AOPEP: variants seen among roughly 807,000 people sequenced by gnomAD.
AOPEP encodes the protein aminopeptidase O.
In AOPEP, 77 loss-of-function variants were observed where a neutral mutation model predicts 98.1. The ratio of observed to expected loss-of-function variants is 0.78; its 90% confidence interval spans 0.65 to 0.95. AOPEP has a LOEUF of 0.95. Ranked by LOEUF, AOPEP falls within the 40% of genes least tolerant of loss-of-function variation. The probability of loss-of-function intolerance (pLI) is 0.00; values close to 1 mark genes in which losing one functional copy is unlikely to be tolerated. For synonymous variants in AOPEP, 346 were observed against 365.3 expected (o/e 0.95, Z 0.60); for missense variants, 1,024 against 1,024.7 (o/e 1.00, Z 0.01).
intron 2 of AOPEP, among the ~76,000 whole-genome samples, chr9:94,769,568 T>C (rs1181640493): frequency 6.6e-6 from 1 of 152,232 alleles, no homozygotes; most frequent in African/African-American, 2.4e-5. Flanking sequence ...CTATCAGACA[T>C]GGGTATATTA....
intron 14 of AOPEP, 56 bp from the exon 15 acceptor site, chr9:95,080,638 G>A: frequency 7.5e-7 from 1 of 1,335,628 alleles, no homozygotes; most frequent in Non-Finnish European, 1.1e-6. Flanking sequence ...ACTGGGCCCG[G>A]TGGGCTGGGA....
At chr9:95,066,211 C>G (rs760289478) in intron 14 of AOPEP, among the ~76,000 whole-genome samples, 1 of 152,104 alleles carries the variant, frequency 6.6e-6, no homozygotes, top group South Asian at 2.1e-4. Context: ...GACGGTCTGT[C>G]TCTCAGTACA....
At chr9:95,094,257 G>T in the AOPEP span, among the ~76,000 whole-genome samples, 1 of 152,162 alleles carries the variant, frequency 6.6e-6, no homozygotes, top group African/African-American at 2.4e-5. Flanking sequence ...GGAGGGAGTG[G>T]GGTCAGGAGA....
At chr9:94,748,837 G>A (rs1835082781) in intron 1 of AOPEP, among the ~76,000 whole-genome samples, 2 of 152,134 alleles carry the variant, frequency 1.3e-5, no homozygotes, top group South Asian at 2.1e-4. Context: ...CAGAGGTAAG[G>A]TACCCTTCTC....
chr9:95,116,738 C>T, the AOPEP span, among the ~76,000 whole-genome samples: 2 of 152,160 alleles, frequency 1.3e-5, no homozygotes, highest in Non-Finnish European at 2.9e-5. Flanking sequence ...CAACACCAGT[C>T]GAATGAAGGC....
At chr9:94,739,228 A>G (rs1488897006) in intron 1 of AOPEP, among the ~76,000 whole-genome samples, 1 of 151,326 alleles carries the variant, frequency 6.6e-6, no homozygotes, top group Non-Finnish European at 1.5e-5. Context: ...TTAGCTCCCA[A>G]CTTTCCTTGT....
chr9:94,835,899 G>C lies in AOPEP; in HGVS notation c.1364+34897G>C, dbSNP rs531772019. 1.4e-3 allele frequency among the ~76,000 whole-genome samples: 212 copies of C among 152,236 alleles called. 1 individual carries two copies. Among genetic ancestry groups the C allele is most frequent in the Admixed American group, 4.5e-3 (69 of 15,288 alleles). Reference sequence around the variant, plus strand: ...AGTGGGTTTTCTAGATTCTTCTACCGCTCTTTGTTTTTGTCTTTGTTCTAT... The same window carrying C: ...AGTGGGTTTTCTAGATTCTTCTACCCCTCTTTGTTTTTGTCTTTGTTCTAT... On this transcript the variant is annotated intron_variant, in intron 5 of 16. Transcript: ENST00000375315.
intron 5 of AOPEP, among the ~76,000 whole-genome samples, chr9:94,916,057 C>T (rs2052749992): frequency 6.6e-6 from 1 of 152,250 alleles, no homozygotes; most frequent in Non-Finnish European, 1.5e-5. Context: ...CTTGTGCTCG[C>T]TGTGAAAACC....
chr9:94,943,917 C>A, intron 7 of AOPEP, among the ~76,000 whole-genome samples: 1 of 70,664 alleles, frequency 1.4e-5, no homozygotes, highest in Non-Finnish European at 2.4e-5. Flanking sequence ...GAGACTCCAT[C>A]TCAAAAAAAA....
chr9:94,764,336 CATG>C (rs1347216458), intron 2 of AOPEP, among the ~76,000 whole-genome samples: 2 of 152,132 alleles, frequency 1.3e-5, no homozygotes, highest in Non-Finnish European at 2.9e-5. Flanking sequence ...CCTGAGGAGA[CATG>C]ATGATTAAAA....
At chr9:94,864,784 G>A (rs2045519333) in intron 5 of AOPEP, among the ~76,000 whole-genome samples, 1 of 152,130 alleles carries the variant, frequency 6.6e-6, no homozygotes, top group South Asian at 2.1e-4. Context: ...ATACACAACA[G>A]TATAATTCAG....
intron 5 of AOPEP, among the ~76,000 whole-genome samples, chr9:94,905,177 C>T (rs186648844): frequency 6.6e-6 from 1 of 152,184 alleles, no homozygotes; most frequent in East Asian, 1.9e-4. Flanking sequence ...TAAAATAAAC[C>T]AAGAAAATAA....
chr9:94,902,389 G>A (rs1367461423), intron 5 of AOPEP, among the ~76,000 whole-genome samples: 2 of 152,142 alleles, frequency 1.3e-5, no homozygotes, highest in Admixed American at 6.6e-5. Flanking sequence ...AGTTTACTGC[G>A]GGGGTGAGAC....
chr9:94,755,932 G>A (rs1306244967), intron 1 of AOPEP, among the ~76,000 whole-genome samples: 4 of 152,198 alleles, frequency 2.6e-5, no homozygotes, highest in Non-Finnish European at 4.4e-5. Context: ...ATGACTTAAA[G>A]TAGGCCAAAT....
intron 5 of AOPEP, among the ~76,000 whole-genome samples, chr9:94,814,514 G>A (rs972620835): frequency 3.9e-5 from 6 of 152,166 alleles, no homozygotes; most frequent in Non-Finnish European, 7.3e-5. Context: ...CTGCATACAA[G>A]GATGTCATCC....
intron 5 of AOPEP, among the ~76,000 whole-genome samples, chr9:94,841,722 G>A (rs980413220): frequency 6.6e-6 from 1 of 152,012 alleles, no homozygotes; most frequent in Non-Finnish European, 1.5e-5. Flanking sequence ...AGGATATGGT[G>A]TATCTTGGTG....
At chr9:94,821,126 A>G (rs1354673311) in intron 5 of AOPEP, among the ~76,000 whole-genome samples, 3 of 152,044 alleles carry the variant, frequency 2.0e-5, no homozygotes, top group Non-Finnish European at 4.4e-5. Flanking sequence ...GAGAAATGCA[A>G]TTTATTTTTC....
chr9:94,742,665 C>T (rs1053499063), intron 1 of AOPEP, among the ~76,000 whole-genome samples: 1 of 152,020 alleles, frequency 6.6e-6, no homozygotes, highest in African/African-American at 2.4e-5. Context: ...GATCTCCTGA[C>T]CACGTGATCC....
At chr9:94,847,241 G>A (rs562663578) in intron 5 of AOPEP, among the ~76,000 whole-genome samples, 2 of 152,182 alleles carry the variant, frequency 1.3e-5, no homozygotes, top group Admixed American at 6.5e-5. Context: ...TGCAGTGCAG[G>A]GTACAAGGAG....
Sources: allele counts gnomAD v4.1 joint callset (sites outside exome capture counted in the v4.1 genomes callset), GRCh38; gene constraint gnomAD v4.1.1; transcripts MANE v1.5; gene names NCBI Gene and HGNC (gene_info 2026-07-23, HGNC 2026-07-21).